CCDC7: variants seen among roughly 807,000 people sequenced by gnomAD.
CCDC7 encodes the protein coiled-coil domain-containing protein 7.
In CCDC7, 183 loss-of-function variants were observed where a neutral mutation model predicts 196.9. That is an observed-to-expected ratio of 0.93 (90% CI 0.82 to 1.05). The LOEUF (loss-of-function observed/expected upper bound fraction) is 1.05, where lower values mean the gene tolerates loss of function less well. Among genes scored for constraint, CCDC7 ranks in the 50% least tolerant of loss-of-function variants. The pLI is 0.00. For missense variants in CCDC7, 1,540 were observed against 1,482.2 expected (o/e 1.04, Z -0.64); for synonymous variants, 525 against 484.6 (o/e 1.08, Z -1.10).
intron 30 of CCDC7, among the ~76,000 whole-genome samples, chr10:32,806,302 A>G (rs913192095): frequency 1.3e-5 from 2 of 152,238 alleles, no homozygotes; most frequent in Non-Finnish European, 2.9e-5. Context: ...TATGTCTAAA[A>G]TGTCCAGTTT....
intron 28 of CCDC7, among the ~76,000 whole-genome samples, chr10:32,751,394 G>A (rs7909047): frequency 6.6e-6 from 1 of 151,836 alleles, no homozygotes; most frequent in Non-Finnish European, 1.5e-5. Flanking sequence ...GATCCCAAAT[G>A]CCAAGATGGC....
At chr10:32,452,842 T>C (rs968810481) in intron 1 of CCDC7, among the ~76,000 whole-genome samples, 49 of 152,298 alleles carry the variant, frequency 3.2e-4, no homozygotes, top group African/African-American at 1.2e-3. Context: ...GAATTGTAAA[T>C]GTACCAAATA....
chr10:32,816,810 G>A (rs965540601), intron 31 of CCDC7, among the ~76,000 whole-genome samples: 3 of 151,930 alleles, frequency 2.0e-5, no homozygotes, highest in Non-Finnish European at 2.9e-5. Flanking sequence ...AAACACAAAG[G>A]ACATCCACAC....
At chr10:32,578,309 C>T (rs954720213) in intron 16 of CCDC7, among the ~76,000 whole-genome samples, 1 of 151,918 alleles carries the variant, frequency 6.6e-6, no homozygotes, top group Non-Finnish European at 1.5e-5. Flanking sequence ...GGACCAGTTT[C>T]GTGGAAGACT....
chr10:32,458,928 G>A (rs2034982569), intron 3 of CCDC7, among the ~76,000 whole-genome samples: 1 of 152,008 alleles, frequency 6.6e-6, no homozygotes, highest in African/African-American at 2.4e-5. Flanking sequence ...AACATAGGAT[G>A]TCTTTTGTTT....
intron 8 of CCDC7, among the ~76,000 whole-genome samples, chr10:32,483,708 A>C (rs1352709522): frequency 1.3e-5 from 2 of 152,182 alleles, no homozygotes; most frequent in African/African-American, 2.4e-5. Flanking sequence ...TCAGCTTTCT[A>C]CATATGGCCA....
At chr10:32,658,962 G>A (rs1410443365) in intron 20 of CCDC7, among the ~76,000 whole-genome samples, 1 of 151,636 alleles carries the variant, frequency 6.6e-6, no homozygotes, top group African/African-American at 2.4e-5. Context: ...TGCCAATTTT[G>A]TTTATCCTTT....
chr10:32,568,006 G>GTTGTTTTTT (rs537103642), intron 15 of CCDC7, 115 bp downstream of exon 16: 2 of 598,396 alleles, frequency 3.3e-6, no homozygotes, highest in Non-Finnish European at 4.4e-6. Context: ...CTGTTTTTGG[G>GTTGTTTTTT]TTTTTTTTTT....
intron 25 of CCDC7, among the ~76,000 whole-genome samples, chr10:32,723,310 C>T (rs1392541228): frequency 6.6e-6 from 1 of 152,098 alleles, no homozygotes; most frequent in Non-Finnish European, 1.5e-5. Context: ...TTTTTCAATT[C>T]TGATACCGAT....
At chr10:32,447,681 C>T (rs1176831058), upstream of CCDC7, among the ~76,000 whole-genome samples, 1 of 152,102 alleles carries the variant, frequency 6.6e-6, no homozygotes, top group African/African-American at 2.4e-5. Context: ...GTGGGAGGAT[C>T]ACCTGAGGTC....
rs1225809863 is a variant in CCDC7 at position 32,472,681 on chromosome 10, A to G, written c.739+139A>G. 89 of 724,298 alleles carry G rather than the reference A, an allele frequency of 1.2e-4. 1 individual carries two copies. The highest frequency in any genetic ancestry group is 7.9e-6 in the Non-Finnish European group (4 of 504,556). The allele number at this position is 724,298 out of a possible 1,614,324, so 44.9% of individuals were successfully genotyped here. ...ATGAATATCGCTCACTGCAGCCTCA[A>G]ACTCTTGGGCTCAAGTGATCCTCTC... On this transcript the variant is annotated intron_variant, in intron 7 of 41. Transcript: ENST00000639629.
At chr10:32,842,042 A>C (rs2093008829) in intron 33 of CCDC7, among the ~76,000 whole-genome samples, 1 of 152,148 alleles carries the variant, frequency 6.6e-6, no homozygotes, top group African/African-American at 2.4e-5. Flanking sequence ...TAGCTTAAGC[A>C]AAGACTTCAT....
chr10:32,489,155 A>G (rs988633056), intron 8 of CCDC7, among the ~76,000 whole-genome samples: 2 of 152,150 alleles, frequency 1.3e-5, no homozygotes, highest in African/African-American at 4.8e-5. Flanking sequence ...CTGATGCATG[A>G]TACCTGTGGA....
intron 28 of CCDC7, among the ~76,000 whole-genome samples, chr10:32,770,253 A>C (rs756921542): frequency 6.6e-6 from 1 of 152,150 alleles, no homozygotes; most frequent in Non-Finnish European, 1.5e-5. Context: ...GTAGGCATTT[A>C]ATGTTAACTT....
intron 18 of CCDC7, among the ~76,000 whole-genome samples, chr10:32,620,953 T>G (rs1376503884): frequency 6.6e-6 from 1 of 152,306 alleles, no homozygotes; most frequent in East Asian, 1.9e-4. Context: ...GAGCTGAATT[T>G]AATCTTGACA....
At chr10:32,770,719 G>C (rs2079038541) in intron 28 of CCDC7, among the ~76,000 whole-genome samples, 1 of 152,070 alleles carries the variant, frequency 6.6e-6, no homozygotes, top group Non-Finnish European at 1.5e-5. Flanking sequence ...GTCTATTGAA[G>C]TCCTACTATT....
intron 16 of CCDC7, among the ~76,000 whole-genome samples, chr10:32,575,855 A>G (rs1340187265): frequency 2.0e-5 from 3 of 152,186 alleles, no homozygotes; most frequent in African/African-American, 4.8e-5. Flanking sequence ...GGTTCTGAGC[A>G]TACCAATTTC....
chr10:32,865,412 C>T (rs958737940), intron 41 of CCDC7, among the ~76,000 whole-genome samples: 2 of 151,382 alleles, frequency 1.3e-5, no homozygotes, highest in Non-Finnish European at 3.0e-5. Context: ...TACACACACA[C>T]ACACACACAC....
At chr10:32,808,935 G>A (rs2086460196) in intron 30 of CCDC7, among the ~76,000 whole-genome samples, 1 of 152,184 alleles carries the variant, frequency 6.6e-6, no homozygotes, top group Non-Finnish European at 1.5e-5. Flanking sequence ...AGCACTTTGG[G>A]AGGTGAAGGT....
Sources: gnomAD v4.1 joint callset for allele counts (sites outside exome capture counted in the v4.1 genomes callset) on GRCh38, gnomAD v4.1.1 for gene constraint, MANE v1.5 for transcripts, NCBI Gene and HGNC (gene_info 2026-07-23, HGNC 2026-07-21) for gene names.